Variants in TRIM44 observed in about 807,000 individuals in gnomAD.
TRIM44 encodes the protein tripartite motif-containing protein 44.
TRIM44 carries 13 observed loss-of-function variants against 37.4 expected under a neutral mutation model. The observed-to-expected ratio is 0.35, with a 90% CI of 0.23 to 0.55. The LOEUF (loss-of-function observed/expected upper bound fraction) is 0.55, where lower values mean the gene tolerates loss of function less well. TRIM44 is among the 20% of genes least tolerant of loss of function. TRIM44 has a pLI of 0.89. For missense variants in TRIM44, 426 were observed against 437.2 expected, an observed-to-expected ratio of 0.97 and a Z score of 0.23; for synonymous variants, 175 against 157.2, an observed-to-expected ratio of 1.11 and a Z score of -0.85.
At position 35,666,074 on chromosome 11, in the gene TRIM44, T is replaced by C. The variant is rs570799223; in HGVS notation, c.669+2294T>C. On this transcript the variant is annotated intron_variant, in intron 1 of 4. Transcript: ENST00000299413. The stretch of plus-strand genomic sequence containing the variant: ...TCTTGTTCTACTTAGTATTGATTTT[T>C]GTGTAGTAGAAGTAGGGGCGCAATT... Among the ~76,000 whole-genome samples the C allele has an allele frequency of 1.6e-4, 25 of 152,356 alleles. 1 individual carries two copies. Among genetic ancestry groups the C allele is most frequent in the African/African-American group, 5.5e-4 (23 of 41,570 alleles).
At chr11:35,690,756 T>C (rs1468441145) in intron 2 of TRIM44, among the ~76,000 whole-genome samples, 1 of 152,252 alleles carries the variant, frequency 6.6e-6, no homozygotes, top group Non-Finnish European at 1.5e-5. Context: ...ACCTGGCACA[T>C]AGTAATTGAT....
intron 1 of TRIM44, among the ~76,000 whole-genome samples, chr11:35,673,841 C>G (rs555237523): frequency 6.6e-6 from 1 of 152,042 alleles, no homozygotes; most frequent in Non-Finnish European, 1.5e-5. Flanking sequence ...CCACTCTTGA[C>G]AGGGAGGTTG....
chr11:35,733,424 C>T (rs1005230065), intron 3 of TRIM44, among the ~76,000 whole-genome samples: 2 of 152,090 alleles, frequency 1.3e-5, no homozygotes, highest in African/African-American at 2.4e-5. Context: ...ATAATTATGT[C>T]ATTCATAGTT....
chr11:35,780,259 G>C (rs1182505900), intron 4 of TRIM44, among the ~76,000 whole-genome samples: 1 of 152,066 alleles, frequency 6.6e-6, no homozygotes, highest in Non-Finnish European at 1.5e-5. Context: ...TACCTCTGTG[G>C]GATAACATCA....
rs138787373 is a variant in TRIM44, at chr11:35,725,057, T to A, written c.748-867T>A. 9.3e-3 allele frequency among the ~76,000 whole-genome samples: 1,083 copies of A among 115,844 alleles called. 22 individuals are homozygous for A. Among genetic ancestry groups the A allele is most frequent in the African/African-American group, 0.046 (1,037 of 22,496 alleles). The allele number at this position is 115,844 out of a possible 152,430, so 76.0% of individuals were successfully genotyped here. ...GAGAGGAATGGTTAACTAGGAGACA[T>A]GCACACACTCACACACACACACACA... On this transcript the variant is annotated intron_variant, in intron 2 of 4. Coordinates refer to ENST00000299413, the MANE Select transcript of TRIM44 (RefSeq NM_017583.6).
chr11:35,793,087 A>G (rs1853235871), intron 4 of TRIM44, among the ~76,000 whole-genome samples: 1 of 151,906 alleles, frequency 6.6e-6, no homozygotes, highest in African/African-American at 2.4e-5. Context: ...CACAAGAACC[A>G]AGATGAGAAT....
intron 4 of TRIM44, among the ~76,000 whole-genome samples, chr11:35,747,255 G>A (rs1852503844): frequency 6.6e-6 from 1 of 151,964 alleles, no homozygotes; most frequent in South Asian, 2.1e-4. Flanking sequence ...ACCTGCCTGT[G>A]TATTGAACAT....
intron 4 of TRIM44, among the ~76,000 whole-genome samples, chr11:35,790,307 A>G (rs1853190383): frequency 1.3e-5 from 2 of 152,214 alleles, no homozygotes; most frequent in South Asian, 4.1e-4. Flanking sequence ...ACCTTAGACT[A>G]CAGGAACAAT....
intron 4 of TRIM44, among the ~76,000 whole-genome samples, chr11:35,788,610 C>G (rs1478276315): frequency 2.0e-5 from 3 of 152,184 alleles, no homozygotes; most frequent in Non-Finnish European, 4.4e-5. Context: ...CCATTCATGC[C>G]AATTAAAATG....
intron 2 of TRIM44, among the ~76,000 whole-genome samples, chr11:35,701,908 G>T (rs1021965623): frequency 6.6e-6 from 1 of 152,174 alleles, no homozygotes; most frequent in African/African-American, 2.4e-5. Flanking sequence ...TTTGCTGGCA[G>T]GCCAGACTTC....
chr11:35,777,039 A>T (rs1198308878), intron 4 of TRIM44, among the ~76,000 whole-genome samples: 1 of 152,094 alleles, frequency 6.6e-6, no homozygotes, highest in African/African-American at 2.4e-5. Flanking sequence ...TGATCTGTCT[A>T]ATGTTGACAG....
chr11:35,732,784 C>T (rs780748028), intron 3 of TRIM44, among the ~76,000 whole-genome samples: 28 of 152,168 alleles, frequency 1.8e-4, no homozygotes, highest in Non-Finnish European at 3.5e-4. Flanking sequence ...GTAGCAGGAA[C>T]ATCACATGCA....
intron 4 of TRIM44, among the ~76,000 whole-genome samples, chr11:35,751,546 A>G (rs1210121949): frequency 2.0e-5 from 3 of 152,034 alleles, no homozygotes; most frequent in Non-Finnish European, 4.4e-5. Flanking sequence ...CATCAGTCAT[A>G]TAGGAGCAGT....
chr11:35,772,078 G>T (rs1050594424), intron 4 of TRIM44, among the ~76,000 whole-genome samples: 2 of 152,314 alleles, frequency 1.3e-5, no homozygotes, highest in Admixed American at 1.3e-4. Flanking sequence ...AGGGGCCAAC[G>T]TAGAGCTCGG....
At chr11:35,691,867 G>A (rs1339648909) in intron 2 of TRIM44, among the ~76,000 whole-genome samples, 2 of 152,054 alleles carry the variant, frequency 1.3e-5, no homozygotes, top group Non-Finnish European at 2.9e-5. Context: ...GAATGGTCTC[G>A]ATCTCCTGAC....
chr11:35,802,030 C>T (rs1853378036), intron 4 of TRIM44, among the ~76,000 whole-genome samples: 1 of 151,986 alleles, frequency 6.6e-6, no homozygotes, highest in African/African-American at 2.4e-5. Context: ...TTTGTCAAAA[C>T]TTTGGCACTG....
At chr11:35,684,655 T>C (rs964234059) in intron 1 of TRIM44, among the ~76,000 whole-genome samples, 1 of 152,196 alleles carries the variant, frequency 6.6e-6, no homozygotes, top group Non-Finnish European at 1.5e-5. Flanking sequence ...GAACTGTATA[T>C]GTCTGACTCA....
At chr11:35,760,823 T>G (rs67667959) in intron 4 of TRIM44, among the ~76,000 whole-genome samples, 27,972 of 152,126 alleles carry the variant, frequency 0.18, 2,821 homozygotes, top group East Asian at 0.3. Flanking sequence ...CTCTTAACAT[T>G]TTTCAGAAAT....
chr11:35,737,089 G>A (rs374391087), intron 4 of TRIM44, among the ~76,000 whole-genome samples: 1 of 152,106 alleles, frequency 6.6e-6, no homozygotes, highest in African/African-American at 2.4e-5. Context: ...GGAGGATAAG[G>A]GGAGGCTTAC....
Sources: allele counts gnomAD v4.1 joint callset (sites outside exome capture counted in the v4.1 genomes callset), GRCh38; gene constraint gnomAD v4.1.1; transcripts MANE v1.5; gene names NCBI Gene and HGNC (gene_info 2026-07-23, HGNC 2026-07-21).